The following NRXN1 variants were observed in gnomAD, a reference collection of about 807,000 sequenced individuals.
NRXN1 encodes the protein neurexin 1, also known as neurexin-1.
Under a neutral mutation model 150.9 loss-of-function variants are expected in NRXN1, and 39 were observed. The observed-to-expected ratio is 0.26, with a 90% CI of 0.20 to 0.34. The LOEUF is 0.34. Ranked by LOEUF, NRXN1 falls within the 10% of genes least tolerant of loss-of-function variation. NRXN1 has a pLI of 1.00. For synonymous variants in NRXN1, 924 were observed against 757.0 expected, an observed-to-expected ratio of 1.22 and a Z score of -3.62; for missense variants, 1,815 against 1,949.9, an observed-to-expected ratio of 0.93 and a Z score of 1.30.
At chr2:50,449,452 C>T (rs993530987) in intron 17 of NRXN1, among the ~76,000 whole-genome samples, 6 of 152,158 alleles carry the variant, frequency 3.9e-5, no homozygotes, top group Non-Finnish European at 8.8e-5. Flanking sequence ...TTACATGCTT[C>T]TATTAGAGCA....
chr2:50,036,088 G>T (rs1402811541), intron 21 of NRXN1, among the ~76,000 whole-genome samples: 1 of 152,230 alleles, frequency 6.6e-6, no homozygotes, highest in Admixed American at 6.5e-5. Flanking sequence ...TGGCTTGGTT[G>T]TGTCCCTACC....
intron 8 of NRXN1, among the ~76,000 whole-genome samples, chr2:50,586,179 G>T (rs1221496262): frequency 6.6e-6 from 1 of 152,112 alleles, no homozygotes; most frequent in African/African-American, 2.4e-5. Context: ...GTTTGCACTT[G>T]CTGTTCTTTC....
chr2:50,820,368 G>T (rs2105821045), intron 5 of NRXN1, among the ~76,000 whole-genome samples: 1 of 152,208 alleles, frequency 6.6e-6, no homozygotes, highest in African/African-American at 2.4e-5. Flanking sequence ...TTGCTTGAGT[G>T]ATTTGAACTA....
At position 50,814,740 on chromosome 2, in the gene NRXN1, T is replaced by C. The variant is rs547399654; in HGVS notation, c.832+107129A>G. Among the ~76,000 whole-genome samples the C allele has an allele frequency of 1.3e-4, 20 of 152,286 alleles. No individual in the cohort carries two copies. In the East Asian group the frequency reaches 3.9e-3, roughly 29 times the overall value. ...CCCACAAAAAGAAATAATTTAAAAA[T>C]ATACAAAGGTATTTGATACATTTTA... On this transcript the variant is annotated intron_variant, in intron 5 of 22. Coordinates refer to ENST00000401669, the MANE Select transcript of NRXN1 (RefSeq NM_001330078.2).
At chr2:50,061,898 T>G (rs1392948450) in intron 19 of NRXN1, among the ~76,000 whole-genome samples, 2 of 152,214 alleles carry the variant, frequency 1.3e-5, no homozygotes, top group Non-Finnish European at 2.9e-5. Context: ...AAATTTGGTT[T>G]TATTTTCCTT....
At position 49,920,483 on chromosome 2, in the gene NRXN1, G is replaced by A. The variant is rs959282506; in HGVS notation, c.*1461C>T. On this transcript the variant is annotated 3_prime_UTR_variant, in exon 23 of 23. Coordinates refer to ENST00000401669, the MANE Select transcript of NRXN1 (RefSeq NM_001330078.2). ...CTTATTCATGCAGCAGTATATCAGTGATATTCTATTTGATAAGGAAAGGTT... is the reference window on the plus strand; with the variant it reads ...CTTATTCATGCAGCAGTATATCAGTAATATTCTATTTGATAAGGAAAGGTT... The A allele has an allele frequency of 1.3e-5, 2 of 152,476 alleles. No individual in the cohort carries two copies. The highest frequency in any genetic ancestry group is 2.9e-5 in the Non-Finnish European group (2 of 68,000). The allele number at this position is 152,476 out of a possible 1,614,324, so 9.4% of individuals were successfully genotyped here.
At chr2:51,014,661 T>G (rs1387587253) in intron 2 of NRXN1, among the ~76,000 whole-genome samples, 10 of 152,034 alleles carry the variant, frequency 6.6e-5, no homozygotes, top group Admixed American at 5.9e-4. Context: ...GAGTCTGGCC[T>G]CAGGATTTAC....
intron 21 of NRXN1, among the ~76,000 whole-genome samples, chr2:49,997,611 T>C (rs1410394751): frequency 6.6e-6 from 1 of 152,210 alleles, no homozygotes; most frequent in African/African-American, 2.4e-5. Flanking sequence ...TTATTCATTT[T>C]TATCCTAACA....
chr2:50,251,922 T>A (rs1352674421), intron 17 of NRXN1, among the ~76,000 whole-genome samples: 4 of 152,172 alleles, frequency 2.6e-5, no homozygotes, highest in African/African-American at 7.2e-5. Context: ...CCTTGTAGAT[T>A]CTGGATATTA....
At chr2:50,912,243 T>C (rs747109336) in intron 5 of NRXN1, 9 of 151,836 alleles carry the variant, frequency 5.9e-5, no homozygotes, top group Admixed American at 2.6e-4. Flanking sequence ...AGGATGCCAA[T>C]CTGCCATAAC....
chr2:50,390,326 G>C (rs58789448), intron 17 of NRXN1, among the ~76,000 whole-genome samples: 1,616 of 152,072 alleles, frequency 0.011, 36 homozygotes, highest in African/African-American at 0.038. Flanking sequence ...TGAATCAAAA[G>C]GGAAGTCCCC....
chr2:50,658,205 T>C (rs1002432181), intron 5 of NRXN1, among the ~76,000 whole-genome samples: 2 of 152,016 alleles, frequency 1.3e-5, no homozygotes, highest in East Asian at 2.0e-4. Flanking sequence ...TATCCCAGGG[T>C]CCAGAAAGCA....
At chr2:50,315,107 T>C (rs931333323) in intron 17 of NRXN1, among the ~76,000 whole-genome samples, 4 of 152,164 alleles carry the variant, frequency 2.6e-5, no homozygotes, top group African/African-American at 9.6e-5. Flanking sequence ...TTAAAAGCCA[T>C]AACGACCACA....
At chr2:50,107,676 T>A (rs1412005905) in intron 18 of NRXN1, among the ~76,000 whole-genome samples, 19 of 151,508 alleles carry the variant, frequency 1.3e-4, no homozygotes, top group Admixed American at 1.3e-3. Context: ...AGGCAGTTAA[T>A]AAAACTATTA....
Position 50,312,904 on chromosome 2 carries a change from G to A in NRXN1, c.3365-75934C>T, listed in dbSNP as rs2075293936. The A allele has an allele frequency of 1.4e-5, 6 of 432,614 alleles. No individual in the cohort carries two copies. In the Admixed American group the frequency reaches 1.5e-4, roughly 11 times the overall value. The allele number at this position is 432,614 out of a possible 1,614,324, so 26.8% of individuals were successfully genotyped here. On this transcript the variant is annotated intron_variant, in intron 17 of 22. Transcript: ENST00000401669. ...TGAGCACTACATAAGCAACTTGTTA[G>A]GGCATGCCACAGAATTCTGATGGAG...
At chr2:49,987,335 C>T (rs1573238484) in intron 21 of NRXN1, among the ~76,000 whole-genome samples, 1 of 152,196 alleles carries the variant, frequency 6.6e-6, no homozygotes, top group Middle Eastern at 3.4e-3. Flanking sequence ...ACTCCTTTCC[C>T]CTGTCCTAAG....
chr2:50,469,622 A>G (rs2089267663), intron 16 of NRXN1, among the ~76,000 whole-genome samples: 1 of 151,454 alleles, frequency 6.6e-6, no homozygotes, highest in African/African-American at 2.4e-5. Flanking sequence ...AATCTCATCA[A>G]CTGTACCTGT....
At chr2:50,851,757 C>G (rs917571857) in intron 5 of NRXN1, among the ~76,000 whole-genome samples, 4 of 151,904 alleles carry the variant, frequency 2.6e-5, no homozygotes, top group Admixed American at 1.3e-4. Context: ...AAAAATAGAA[C>G]AAAAACATGG....
chr2:50,483,050 CAAAAA>C (rs70948712), intron 15 of NRXN1, among the ~76,000 whole-genome samples: 1,803 of 75,484 alleles, frequency 0.024, 54 homozygotes, highest in African/African-American at 0.087. Flanking sequence ...GACTCCGTGT[CAAAAA>C]AAAAAAAAAA....
Sources: allele counts gnomAD v4.1 joint callset (sites outside exome capture counted in the v4.1 genomes callset), GRCh38; gene constraint gnomAD v4.1.1; transcripts MANE v1.5; gene names NCBI Gene and HGNC (gene_info 2026-07-23, HGNC 2026-07-21).